Variants in MYO7B observed in about 807,000 individuals in gnomAD.
MYO7B encodes myosin VIIB, also known as unconventional myosin-VIIb.
MYO7B carries 212 observed loss-of-function variants against 259.7 expected under a neutral mutation model. That is an observed-to-expected ratio of 0.82 (90% CI 0.73 to 0.91). MYO7B has a LOEUF of 0.91. Ranked by LOEUF, MYO7B falls within the 40% of genes least tolerant of loss-of-function variation. MYO7B has a pLI of 0.00. For missense variants in MYO7B, 2,732 were observed against 2,813.5 expected (o/e 0.97, Z 0.66); for synonymous variants, 1,197 against 1,166.4 (o/e 1.03, Z -0.54).
chr2:127,634,721 T>G, intron 42 of MYO7B, 38 bp downstream of exon 42: 11 of 1,484,654 alleles, frequency 7.4e-6, no homozygotes, highest in Non-Finnish European at 1.0e-5. Flanking sequence ...AGGGCGTGGC[T>G]GGGTGGGTCG....
At chr2:127,594,876 A>G (rs968193524) in intron 18 of MYO7B, among the ~76,000 whole-genome samples, 1 of 152,188 alleles carries the variant, frequency 6.6e-6, no homozygotes, top group African/African-American at 2.4e-5. Flanking sequence ...TCAGTTTGCC[A>G]GTATTTTATT....
chr2:127,596,613 C>G, intron 19 of MYO7B, 57 bp downstream of exon 19: 1 of 1,393,960 alleles, frequency 7.2e-7, no homozygotes, highest in Non-Finnish European at 1.0e-6. Context: ...TGTCCCCACA[C>G]AGGCCTGCAG....
chr2:127,571,439 TGA>T (rs1678601559), intron 6 of MYO7B, among the ~76,000 whole-genome samples: 3 of 143,998 alleles, frequency 2.1e-5, no homozygotes, highest in African/African-American at 5.3e-5. Flanking sequence ...TCCTTACCAG[TGA>T]GTTTTTTTTT....
chr2:127,580,583 G>A (rs528581058), intron 9 of MYO7B, among the ~76,000 whole-genome samples, 163 bp from the exon 10 acceptor site: 65 of 152,358 alleles, frequency 4.3e-4, no homozygotes, highest in African/African-American at 1.4e-3. Context: ...TCATGGGGCC[G>A]TTGGCTCCCT....
In MYO7B at chr2:127,581,778, G is replaced by A. The variant is rs372812512; in HGVS notation, c.1081-113G>A. On this transcript the variant is annotated intron_variant, in intron 10 of 47. Coordinates refer to ENST00000409816, the MANE Select transcript of MYO7B (RefSeq NM_001393586.1). ...TGGCCTCGGGCAGCGCCCACCCTCC[G>A]GTGGGCATAGGTGCTTGGTCACGAG... The A allele has an allele frequency of 1.1e-4, 153 of 1,451,828 alleles. 1 individual carries two copies. Among genetic ancestry groups the A allele is most frequent in the South Asian group, 3.3e-4 (26 of 77,814 alleles). The allele number at this position is 1,451,828 out of a possible 1,614,324, so 89.9% of individuals were successfully genotyped here.
At chr2:127,545,046 C>G (rs1424204482) in intron 1 of MYO7B, among the ~76,000 whole-genome samples, 1 of 152,148 alleles carries the variant, frequency 6.6e-6, no homozygotes, top group Non-Finnish European at 1.5e-5. Flanking sequence ...TTTTAAAGAG[C>G]TGTGTGGTAT....
intron 1 of MYO7B, among the ~76,000 whole-genome samples, chr2:127,543,846 G>A (rs1693108982): frequency 6.6e-6 from 1 of 151,784 alleles, no homozygotes; most frequent in Non-Finnish European, 1.5e-5. Context: ...CCGGGTTCAC[G>A]CCATTCTCCT....
chr2:127,590,236 A>G lies in MYO7B; in HGVS notation c.1992+7A>G. 6.2e-7 allele frequency: 1 copy of G among 1,612,670 alleles called. No individual in the cohort carries two copies. Among genetic ancestry groups the G allele is most frequent in the Non-Finnish European group, 8.5e-7 (1 of 1,179,740 alleles). On this transcript the variant is annotated splice_region_variant and intron_variant, in intron 16 of 47. Coordinates refer to ENST00000409816, the MANE Select transcript of MYO7B (RefSeq NM_001393586.1). The surrounding 1 kb of genome is among the most constrained non-coding windows in gnomAD (Gnocchi z 4.6). ...TGAGTACAAGAAGCCGCTGGTAATG[A>G]CAGGAGGCTGGGGCACAGCAAAGGA...
At position 127,635,073 on chromosome 2, in the gene MYO7B, T is replaced by C. The variant is rs961311078; in HGVS notation, c.5714-47T>C. ...GGGGGTGGCAGGGGGTCAGGGCTGG[T>C]GTACCTGCTGGGACAGGCTTGGTGC... On this transcript the variant is annotated intron_variant, in intron 42 of 47. Coordinates refer to ENST00000409816, the MANE Select transcript of MYO7B (RefSeq NM_001393586.1). 5 of 1,506,880 alleles carry C rather than the reference T, an allele frequency of 3.3e-6. No homozygotes were observed. The African/African-American group carries it at 4.1e-5, about 12-fold the overall frequency. 93.3% of individuals were successfully genotyped at this position (1,506,880 alleles called of 1,614,324 possible). A position where few individuals can be genotyped will look rare whatever the true frequency, so the allele number is the denominator to read the frequency against.
At position 127,635,654 on chromosome 2, in the gene MYO7B, G is replaced by C. The variant is rs567202723; in HGVS notation, c.5821-68G>C. 74 of 1,481,608 alleles carry C rather than the reference G, an allele frequency of 5.0e-5. No individual in the cohort carries two copies. In the Admixed American group the frequency reaches 1.3e-3, roughly 26 times the overall value. 91.8% of individuals were successfully genotyped at this position (1,481,608 alleles called of 1,614,324 possible). A position where few individuals can be genotyped will look rare whatever the true frequency, so the allele number is the denominator to read the frequency against. On this transcript the variant is annotated intron_variant, in intron 43 of 47. Transcript: ENST00000409816. ...AGCCCCAGTTCCCCACCATCTGAGC[G>C]GGAAAGAGGTTGGGGGCGGGTGGGC...
intron 5 of MYO7B, among the ~76,000 whole-genome samples, chr2:127,567,662 GATTCATTC>G (rs111424295): frequency 4.6e-4 from 70 of 152,140 alleles, no homozygotes; most frequent in African/African-American, 1.4e-3. Context: ...CCACCTGGGG[GATTCATTC>G]ATTCATTCAT....
chr2:127,619,585 C>T (rs755205099), intron 26 of MYO7B, among the ~76,000 whole-genome samples: 4 of 152,016 alleles, frequency 2.6e-5, no homozygotes, highest in East Asian at 1.9e-4. Context: ...TCGGTGATGT[C>T]GTGTCGCAGT....
At chr2:127,564,018 G>A in intron 2 of MYO7B, 135 bp from the exon 3 acceptor site, 1 of 602,802 alleles carries the variant, frequency 1.7e-6, no homozygotes, top group Non-Finnish European at 2.9e-6. Context: ...GAGGGGAGGA[G>A]AGGAAAGGAG....
intron 4 of MYO7B, 104 bp downstream of exon 4, chr2:127,565,489 C>G (rs1199847582): frequency 1.4e-6 from 2 of 1,456,036 alleles, no homozygotes; most frequent in African/African-American, 1.4e-5. Context: ...CCCCCATGCC[C>G]TCACTGAGGG....
chr2:127,630,679 C>T, intron 35 of MYO7B, 99 bp from the exon 36 acceptor site: 1 of 1,543,778 alleles, frequency 6.5e-7, no homozygotes, highest in African/African-American at 1.4e-5. Context: ...TGGGCCTGAC[C>T]CCTCCCAAGT....
rs370798104 is a variant in MYO7B at position 127,630,816 on chromosome 2, G to A, written c.4845G>A (p.Ala1615=). 7.5e-5 allele frequency: 121 copies of A among 1,612,934 alleles called. 1 individual carries two copies. The Middle Eastern group carries it at 2.3e-3, about 31-fold the overall frequency. The change falls in exon 36 of 48, where the codon GCG becomes GCA. Residue 1615 remains alanine, a synonymous_variant. Transcript: ENST00000409816. The part of the protein sequence containing the change: ...LAMSPEKRKL[A]AQEGQFTEPR... Reference sequence around the variant, plus strand: ...TGTCACCAGAGAAGAGGAAGCTGGCGGCTCAGGAGGGGCAGTTCACAGAGC... The same window carrying A: ...TGTCACCAGAGAAGAGGAAGCTGGCAGCTCAGGAGGGGCAGTTCACAGAGC...
intron 38 of MYO7B, 77 bp from the exon 39 acceptor site, chr2:127,632,169 G>A (rs1216661882): frequency 1.8e-5 from 27 of 1,503,610 alleles, no homozygotes; most frequent in South Asian, 1.1e-4. Context: ...TCTCACATCC[G>A]TCCCTGCTCC....
chr2:127,630,735 G>A, intron 35 of MYO7B, 43 bp from the exon 36 acceptor site: 1 of 1,606,594 alleles, frequency 6.2e-7, no homozygotes, highest in East Asian at 2.2e-5. Context: ...AGGGCCTCAT[G>A]GGCGGTGGCT....
At chr2:127,631,558 A>T (rs1379968442) in intron 37 of MYO7B, 42 bp from the exon 38 acceptor site, 5 of 1,601,286 alleles carry the variant, frequency 3.1e-6, no homozygotes. Context: ...AGTCTGTGTC[A>T]GCGTGGGGCT....
Sources: allele counts gnomAD v4.1 joint callset (sites outside exome capture counted in the v4.1 genomes callset), GRCh38; gene constraint gnomAD v4.1.1; non-coding constraint Gnocchi (gnomAD v3.1); transcripts MANE v1.5; gene names NCBI Gene and HGNC (gene_info 2026-07-23, HGNC 2026-07-21).